The following CD2AP variants were observed in gnomAD, a reference collection of about 807,000 sequenced individuals.
CD2AP encodes CD2 associated protein, also known as CD2-associated protein.
In CD2AP, 46 loss-of-function variants were observed where a neutral mutation model predicts 85.1. That is an observed-to-expected ratio of 0.54 (90% CI 0.43 to 0.69). The LOEUF is 0.69. Among genes scored for constraint, CD2AP ranks in the 30% least tolerant of loss-of-function variants. CD2AP has a pLI of 0.00. For synonymous variants in CD2AP, 255 were observed against 252.9 expected (o/e 1.01, Z -0.08); for missense variants, 769 against 729.5 (o/e 1.05, Z -0.62).
rs1415026816 is a variant in CD2AP, at chr6:47,567,763, A to C, written c.542-6301A>C. On this transcript the variant is annotated intron_variant, in intron 5 of 17. Transcript: ENST00000359314. ...AATTCAGAGGCATTATAGAGTATAT[A>C]ATTAGATGTGAATGTTGAGCCTGGA... Among the ~76,000 whole-genome samples the C allele has an allele frequency of 1.3e-5, 2 of 152,204 alleles. 1 individual carries two copies. Among genetic ancestry groups the C allele is most frequent in the Non-Finnish European group, 2.9e-5 (2 of 68,030 alleles).
chr6:47,611,616 A>G (rs553908381), intron 16 of CD2AP, among the ~76,000 whole-genome samples: 68 of 151,676 alleles, frequency 4.5e-4, no homozygotes, highest in South Asian at 8.3e-4. Flanking sequence ...TTTCTTTTTT[A>G]CTTTTTCAAG....
At chr6:47,478,317 C>T (rs1464486372) in intron 1 of CD2AP, 69 bp downstream of exon 1, 4 of 1,546,396 alleles carry the variant, frequency 2.6e-6, no homozygotes, top group Non-Finnish European at 3.5e-6. Flanking sequence ...TGCCCTTTCT[C>T]GGCCTTCTGG....
intron 3 of CD2AP, among the ~76,000 whole-genome samples, chr6:47,542,513 C>G (rs1010941827): frequency 1.1e-4 from 17 of 152,042 alleles, no homozygotes; most frequent in Admixed American, 3.3e-4. Context: ...GAGGGCTGTG[C>G]TCTCATGAAT....
chr6:47,507,308 A>G (rs533404854), intron 2 of CD2AP, among the ~76,000 whole-genome samples: 2 of 152,078 alleles, frequency 1.3e-5, no homozygotes, highest in East Asian at 3.9e-4. Flanking sequence ...TTTCTTCCAG[A>G]CTCCCATTAA....
chr6:47,518,307 A>G (rs1766503853), intron 2 of CD2AP, among the ~76,000 whole-genome samples: 1 of 152,224 alleles, frequency 6.6e-6, no homozygotes, highest in Non-Finnish European at 1.5e-5. Context: ...CTATATACCT[A>G]TGCAGCTAGC....
intron 2 of CD2AP, among the ~76,000 whole-genome samples, chr6:47,520,618 G>C (rs1390186823): frequency 6.6e-6 from 1 of 152,126 alleles, no homozygotes; most frequent in African/African-American, 2.4e-5. Context: ...GGTGGTTGGG[G>C]GCGAAAGTGG....
At chr6:47,505,644 C>A (rs1582487886) in intron 2 of CD2AP, among the ~76,000 whole-genome samples, 2 of 122,572 alleles carry the variant, frequency 1.6e-5, no homozygotes, top group Non-Finnish European at 3.7e-5. Flanking sequence ...CACCTCCCTC[C>A]CGGACGGGGC....
intron 5 of CD2AP, among the ~76,000 whole-genome samples, chr6:47,569,453 G>T (rs1341906938): frequency 1.3e-5 from 2 of 151,854 alleles, no homozygotes; most frequent in Admixed American, 1.3e-4. Flanking sequence ...GTTGCAAAGT[G>T]GTGAGGTCAG....
intron 17 of CD2AP, among the ~76,000 whole-genome samples, chr6:47,614,537 C>A (rs1020073703): frequency 3.9e-5 from 6 of 152,142 alleles, no homozygotes; most frequent in South Asian, 2.1e-4. Context: ...AGAACAATTA[C>A]AATATTAACA....
chr6:47,577,526 G>C, intron 8 of CD2AP, among the ~76,000 whole-genome samples: 1 of 151,916 alleles, frequency 6.6e-6, no homozygotes, highest in East Asian at 1.9e-4. Flanking sequence ...GTATGGAAAT[G>C]GTTCTGAAAC....
At chr6:47,572,635 T>C (rs1268072061) in intron 5 of CD2AP, among the ~76,000 whole-genome samples, 1 of 152,246 alleles carries the variant, frequency 6.6e-6, no homozygotes, top group African/African-American at 2.4e-5. Context: ...TGAGCCATTA[T>C]ATTAAATTGT....
At chr6:47,571,168 C>T (rs1370358593) in intron 5 of CD2AP, among the ~76,000 whole-genome samples, 1 of 151,992 alleles carries the variant, frequency 6.6e-6, no homozygotes, top group Non-Finnish European at 1.5e-5. Context: ...TAGATATGCA[C>T]CTAATATACT....
intron 4 of CD2AP, among the ~76,000 whole-genome samples, chr6:47,551,181 G>A (rs1354949079): frequency 7.3e-6 from 1 of 137,528 alleles, no homozygotes; most frequent in African/African-American, 2.6e-5. Context: ...ATAACCTATG[G>A]AAATAAAAAA....
intron 11 of CD2AP, among the ~76,000 whole-genome samples, chr6:47,594,682 A>G (rs1444838840): frequency 1.3e-5 from 2 of 152,044 alleles, no homozygotes; most frequent in African/African-American, 4.8e-5. Flanking sequence ...ATAATTATAT[A>G]TAGTACATTG....
chr6:47,545,901 G>A (rs1399774407), intron 4 of CD2AP, among the ~76,000 whole-genome samples: 2 of 152,084 alleles, frequency 1.3e-5, no homozygotes, highest in African/African-American at 4.8e-5. Context: ...CTACCCAAAT[G>A]AGAAGGAATC....
At chr6:47,570,141 C>CTT (rs5876027) in intron 5 of CD2AP, among the ~76,000 whole-genome samples, 3 of 146,990 alleles carry the variant, frequency 2.0e-5, no homozygotes, top group African/African-American at 7.5e-5. Flanking sequence ...CATCAGATTT[C>CTT]TTTTTTTTTT....
intron 17 of CD2AP, among the ~76,000 whole-genome samples, chr6:47,621,260 C>G (rs1246717140): frequency 1.3e-5 from 2 of 152,098 alleles, no homozygotes; most frequent in Non-Finnish European, 2.9e-5. Context: ...TAAAGGGATG[C>G]TGGATGTTGT....
chr6:47,521,507 G>T (rs115030597), intron 2 of CD2AP, among the ~76,000 whole-genome samples: 3 of 150,972 alleles, frequency 2.0e-5, no homozygotes, highest in Non-Finnish European at 4.4e-5. Flanking sequence ...AGCCGAAATC[G>T]CACCAGTGCA....
At chr6:47,483,545 C>G (rs1765496331) in intron 1 of CD2AP, among the ~76,000 whole-genome samples, 1 of 152,098 alleles carries the variant, frequency 6.6e-6, no homozygotes. Context: ...CAAAAGTGAG[C>G]TTAGTTATTG....
Sources: gnomAD v4.1 joint callset for allele counts (sites outside exome capture counted in the v4.1 genomes callset) on GRCh38, gnomAD v4.1.1 for gene constraint, MANE v1.5 for transcripts, NCBI Gene and HGNC (gene_info 2026-07-23, HGNC 2026-07-21) for gene names.